Variants in SPECC1 observed in about 807,000 individuals in gnomAD.
SPECC1 encodes the protein cytospin-B.
A neutral mutation model predicts 104.1 loss-of-function variants in SPECC1; 62 were observed. The ratio of observed to expected loss-of-function variants is 0.60; its 90% confidence interval spans 0.49 to 0.74. SPECC1 has a LOEUF of 0.74. Among genes scored for constraint, SPECC1 ranks in the 30% least tolerant of loss-of-function variants. The pLI is 0.00. For missense variants in SPECC1, 1,306 were observed against 1,310.5 expected, an observed-to-expected ratio of 1.00 and a Z score of 0.05; for synonymous variants, 513 against 501.6, an observed-to-expected ratio of 1.02 and a Z score of -0.30.
In SPECC1 at chr17:20,246,065, C is replaced by T. The variant is rs145182077; in HGVS notation, c.2491C>T (p.Arg831Cys). The T allele has an allele frequency of 2.9e-5, 47 of 1,613,924 alleles. 1 individual carries two copies. Among genetic ancestry groups the T allele is most frequent in the Admixed American group, 1.2e-4 (7 of 59,984 alleles). Residue 831 changes from arginine (R) to cysteine (C), a missense_variant, in exon 8 of 15, where the codon CGC becomes TGC. Physicochemically the swap from Arg to Cys is radical, Grantham distance 180. Coordinates refer to ENST00000395527, the MANE Select transcript of SPECC1 (RefSeq NM_001243439.2). ...ACTTATCAAGTCATTTGACTTGGGA[C>T]GCCCAGGTATTTAATCATTTTTTCT... Reference protein sequence around the residue: ...KSLIKSFDLGRPGGAGQNISV... With the variant: ...KSLIKSFDLGCPGGAGQNISV...
chr17:20,231,732 G>A lies in SPECC1; in HGVS notation c.2072-26G>A, dbSNP rs780167649. On this transcript the variant is annotated intron_variant, in intron 5 of 14. Transcript: ENST00000395527. ...CTTAAGAGTCTCACAGCTTTTCTAA[G>A]CCCTGTCTGAATTATTTATTTCTAG... The A allele has an allele frequency of 5.0e-6, 8 of 1,610,840 alleles. No homozygotes were observed. In the East Asian group the frequency reaches 1.1e-4, roughly 22 times the overall value.
At chr17:20,191,932 C>T (rs541272565) in intron 3 of SPECC1, among the ~76,000 whole-genome samples, 40 of 151,978 alleles carry the variant, frequency 2.6e-4, no homozygotes, top group Non-Finnish European at 4.4e-4. Flanking sequence ...TCAGGTGTTT[C>T]GTTTTCCATT....
At chr17:20,286,756 T>G (rs2040960475) in intron 12 of SPECC1, among the ~76,000 whole-genome samples, 1 of 152,176 alleles carries the variant, frequency 6.6e-6, no homozygotes. Context: ...GACTGGATCT[T>G]AACCCACCTA....
At chr17:20,048,392 C>T (rs1250913496) in intron 1 of SPECC1, among the ~76,000 whole-genome samples, 2 of 152,052 alleles carry the variant, frequency 1.3e-5, no homozygotes, top group African/African-American at 4.8e-5. Context: ...CTCGGCCTCC[C>T]AAAGTGCTGG....
chr17:20,246,739 A>G (rs557821494), intron 8 of SPECC1, among the ~76,000 whole-genome samples: 2 of 152,236 alleles, frequency 1.3e-5, no homozygotes, highest in Non-Finnish European at 2.9e-5. Flanking sequence ...CTACAGTAAC[A>G]ATATCTTTCT....
At chr17:20,088,604 C>G (rs1257560616) in intron 1 of SPECC1, among the ~76,000 whole-genome samples, 4 of 152,108 alleles carry the variant, frequency 2.6e-5, no homozygotes, top group African/African-American at 9.7e-5. Context: ...ACAGGGAGGC[C>G]CTCAGATTGG....
intron 3 of SPECC1, among the ~76,000 whole-genome samples, chr17:20,136,798 T>A (rs940784504): frequency 9.9e-5 from 15 of 152,180 alleles, no homozygotes; most frequent in African/African-American, 3.1e-4. Context: ...GGTCCCCATC[T>A]CTCTGGCACT....
intron 2 of SPECC1, among the ~76,000 whole-genome samples, chr17:20,105,646 C>T (rs770661099): frequency 1.3e-5 from 2 of 152,238 alleles, no homozygotes; most frequent in African/African-American, 4.8e-5. Context: ...GCTTTCCCCC[C>T]GGTCACTGCT....
chr17:20,074,501 C>T (rs1377201403), intron 1 of SPECC1, among the ~76,000 whole-genome samples: 1 of 152,136 alleles, frequency 6.6e-6, no homozygotes, highest in Non-Finnish European at 1.5e-5. Flanking sequence ...TTTCCTTGTC[C>T]CACTGACTCT....
intron 12 of SPECC1, among the ~76,000 whole-genome samples, chr17:20,269,202 A>G (rs2040316956): frequency 6.6e-6 from 1 of 152,252 alleles, no homozygotes; most frequent in Non-Finnish European, 1.5e-5. Context: ...GGCTCTCTTT[A>G]GCAAGGCTGC....
At chr17:20,269,775 C>T (rs568392410) in intron 12 of SPECC1, among the ~76,000 whole-genome samples, 9 of 152,348 alleles carry the variant, frequency 5.9e-5, no homozygotes, top group African/African-American at 2.2e-4. Context: ...GCCTGGTTTC[C>T]TCGGGACTTC....
intron 3 of SPECC1, among the ~76,000 whole-genome samples, chr17:20,170,041 A>G (rs1369742221): frequency 6.6e-6 from 1 of 152,202 alleles, no homozygotes; most frequent in African/African-American, 2.4e-5. Context: ...CACAGGACAA[A>G]AACACTTATA....
intron 7 of SPECC1, among the ~76,000 whole-genome samples, chr17:20,233,277 C>T (rs1435174118): frequency 1.3e-5 from 2 of 152,080 alleles, no homozygotes; most frequent in Admixed American, 6.5e-5. Context: ...TCAGGTGGCC[C>T]TAGTGTTTAC....
At chr17:20,071,083 A>T (rs1324699713) in intron 1 of SPECC1, among the ~76,000 whole-genome samples, 1 of 151,858 alleles carries the variant, frequency 6.6e-6, no homozygotes, top group Non-Finnish European at 1.5e-5. Flanking sequence ...TTCGGTGGCT[A>T]TTTGCAAGCA....
At chr17:20,261,116 A>C (rs2040009249) in intron 12 of SPECC1, among the ~76,000 whole-genome samples, 1 of 152,204 alleles carries the variant, frequency 6.6e-6, no homozygotes, top group South Asian at 2.1e-4. Flanking sequence ...CAGGTATGTC[A>C]GTGAAGTAGT....
Position 20,283,949 on chromosome 17 carries a change from G to A in SPECC1, c.2941-13012G>A, listed in dbSNP as rs188861281. Among the ~76,000 whole-genome samples the A allele has an allele frequency of 1.3e-3, 204 of 152,154 alleles. 2 individuals are homozygous for A. Among genetic ancestry groups the A allele is most frequent in the African/African-American group, 4.6e-3 (189 of 41,516 alleles). On this transcript the variant is annotated intron_variant, in intron 12 of 14. Coordinates refer to ENST00000395527, the MANE Select transcript of SPECC1 (RefSeq NM_001243439.2). The stretch of plus-strand genomic sequence containing the variant: ...TTAGTCGTTTGCTATACATATATTG[G>A]TTTTAATTTTGTCATATAGAAACTT...
chr17:20,199,398 T>G (rs1302346409), intron 3 of SPECC1, among the ~76,000 whole-genome samples: 14 of 143,912 alleles, frequency 9.7e-5, no homozygotes, highest in African/African-American at 2.8e-4. Context: ...TTTTTTTTTT[T>G]TTTTTTTTTT....
At chr17:20,056,745 A>G (rs1597625411) in intron 1 of SPECC1, 1 of 152,370 alleles carries the variant, frequency 6.6e-6, no homozygotes, top group South Asian at 2.1e-4. Context: ...AGATGAGGAA[A>G]AACACTTTTT....
chr17:20,188,404 C>T (rs1053447451), intron 3 of SPECC1, among the ~76,000 whole-genome samples: 12 of 151,860 alleles, frequency 7.9e-5, no homozygotes, highest in African/African-American at 2.4e-4. Flanking sequence ...GATACAGGTG[C>T]GCACCACCAC....
Sources: gnomAD v4.1 joint callset for allele counts (sites outside exome capture counted in the v4.1 genomes callset) on GRCh38, gnomAD v4.1.1 for gene constraint, MANE v1.5 for transcripts, NCBI Gene and HGNC (gene_info 2026-07-23, HGNC 2026-07-21) for gene names.